Variants in CDH12 observed in about 807,000 individuals in gnomAD.
The protein encoded by CDH12 is cadherin 12, also known as cadherin-12.
In CDH12, 41 loss-of-function variants were observed where a neutral mutation model predicts 74.1. That is an observed-to-expected ratio of 0.55 (90% CI 0.43 to 0.72). The LOEUF is 0.72. Ranked by LOEUF, CDH12 falls within the 30% of genes least tolerant of loss-of-function variation. The probability of loss-of-function intolerance (pLI) is 0.00; values close to 1 mark genes in which losing one functional copy is unlikely to be tolerated. For missense variants in CDH12, 945 were observed against 977.2 expected, an observed-to-expected ratio of 0.97 and a Z score of 0.44; for synonymous variants, 399 against 355.0, an observed-to-expected ratio of 1.12 and a Z score of -1.39.
At chr5:22,106,059 G>C (rs1744423376) in intron 4 of CDH12, among the ~76,000 whole-genome samples, 1 of 152,130 alleles carries the variant, frequency 6.6e-6, no homozygotes, top group Admixed American at 6.6e-5. Flanking sequence ...TTCATGGTCT[G>C]ATTTGTTGTT....
rs1386514999 is a variant in CDH12 at position 22,760,698 on chromosome 5, AAAC to A, written c.-523+92357_-523+92359del. On this transcript the variant is annotated intron_variant, in intron 1 of 14. Coordinates refer to ENST00000382254, the MANE Select transcript of CDH12 (RefSeq NM_004061.5). The stretch of plus-strand genomic sequence containing the variant: ...CGTCTCAAAAAAAAAAAAAAAAAAA[AAAC>A]AAAAAAAAAAAGGTAAATTAAAAAA... Among the ~76,000 whole-genome samples, 588 of 146,204 alleles carry A rather than the reference AAAC, an allele frequency of 4.0e-3. 7 individuals are homozygous for A. Among genetic ancestry groups the A allele is most frequent in the African/African-American group, 0.015 (564 of 38,712 alleles).
At chr5:21,835,922 C>G (rs958889990) in intron 8 of CDH12, among the ~76,000 whole-genome samples, 3 of 151,770 alleles carry the variant, frequency 2.0e-5, no homozygotes, top group Non-Finnish European at 2.9e-5. Context: ...ACTTGGACAT[C>G]TTGTAGTCCT....
At chr5:21,889,989 G>T in intron 6 of CDH12, 1 of 244,720 alleles carries the variant, frequency 4.1e-6, no homozygotes, top group Non-Finnish European at 6.5e-6. Flanking sequence ...AACTATATTT[G>T]ACCAACAAAA....
At chr5:22,040,781 C>A (rs1002624369) in intron 5 of CDH12, among the ~76,000 whole-genome samples, 1 of 151,974 alleles carries the variant, frequency 6.6e-6, no homozygotes, top group Non-Finnish European at 1.5e-5. Context: ...CACCACTAGA[C>A]CAGAGCTACA....
At chr5:21,971,215 A>G (rs1176606037) in intron 6 of CDH12, among the ~76,000 whole-genome samples, 2 of 152,148 alleles carry the variant, frequency 1.3e-5, no homozygotes, top group African/African-American at 4.8e-5. Flanking sequence ...AGCTAAGTTT[A>G]ACTTTCTCAA....
Position 22,439,151 on chromosome 5 carries a change from G to C in CDH12, c.-427-33800C>G, listed in dbSNP as rs537086425. Among the ~76,000 whole-genome samples, 4 of 151,664 alleles carry C rather than the reference G, an allele frequency of 2.6e-5. No homozygotes were observed. In the East Asian group the frequency reaches 7.8e-4, roughly 29 times the overall value. On this transcript the variant is annotated intron_variant, in intron 2 of 14. Coordinates refer to ENST00000382254, the MANE Select transcript of CDH12 (RefSeq NM_004061.5). Reference sequence around the variant, plus strand: ...CATTATGACCTCCATTATTAATTTGGGATATGAAAATTGACTCTATTATCT... The same window carrying C: ...CATTATGACCTCCATTATTAATTTGCGATATGAAAATTGACTCTATTATCT...
chr5:21,978,219 G>T (rs1260004859), intron 5 of CDH12, among the ~76,000 whole-genome samples: 1 of 152,088 alleles, frequency 6.6e-6, no homozygotes, highest in African/African-American at 2.4e-5. Context: ...TCGGCTCACT[G>T]CAACCTCCAC....
chr5:21,975,544 T>A (rs910356442), intron 5 of CDH12, among the ~76,000 whole-genome samples, 159 bp from the exon 6 acceptor site: 3 of 152,010 alleles, frequency 2.0e-5, no homozygotes. Flanking sequence ...TTCTCGTTTT[T>A]TATTTCTCCA....
chr5:22,120,024 T>A (rs1663894593), intron 4 of CDH12, among the ~76,000 whole-genome samples: 2 of 152,192 alleles, frequency 1.3e-5, no homozygotes, highest in Admixed American at 1.3e-4. Flanking sequence ...CTTGCCTTGC[T>A]GCCTGTTACT....
chr5:22,228,931 T>C (rs1039524650), intron 3 of CDH12, among the ~76,000 whole-genome samples: 12 of 152,146 alleles, frequency 7.9e-5, no homozygotes, highest in Non-Finnish European at 1.6e-4. Context: ...CTAATAGTTA[T>C]ATTAATAAAC....
intron 3 of CDH12, among the ~76,000 whole-genome samples, chr5:22,401,837 G>C (rs981252399): frequency 6.6e-6 from 1 of 152,108 alleles, no homozygotes; most frequent in African/African-American, 2.4e-5. Flanking sequence ...GACATACAGA[G>C]ACACACTGAG....
intron 3 of CDH12, among the ~76,000 whole-genome samples, chr5:22,269,005 C>G (rs1041144987): frequency 1.3e-5 from 2 of 151,998 alleles, no homozygotes; most frequent in African/African-American, 4.8e-5. Context: ...TCTCGCCCTC[C>G]CATTAGATGC....
intron 2 of CDH12, among the ~76,000 whole-genome samples, chr5:22,490,109 G>T (rs1402705732): frequency 6.6e-6 from 1 of 151,584 alleles, no homozygotes; most frequent in African/African-American, 2.4e-5. Context: ...AATCTTAATA[G>T]CTAGAGCAAT....
At chr5:22,113,049 C>G (rs187186091) in intron 4 of CDH12, among the ~76,000 whole-genome samples, 1 of 152,228 alleles carries the variant, frequency 6.6e-6, no homozygotes, top group Non-Finnish European at 1.5e-5. Context: ...TGTCCAGGTT[C>G]CTATCAAAGG....
At chr5:21,926,395 T>C (rs1329198656) in intron 6 of CDH12, among the ~76,000 whole-genome samples, 1 of 152,222 alleles carries the variant, frequency 6.6e-6, no homozygotes, top group East Asian at 1.9e-4. Flanking sequence ...TAACTTGACT[T>C]GGCTAGAACC....
At chr5:22,327,199 C>T (rs951047687) in intron 3 of CDH12, among the ~76,000 whole-genome samples, 3 of 151,866 alleles carry the variant, frequency 2.0e-5, no homozygotes, top group African/African-American at 2.4e-5. Context: ...TCCCCACACT[C>T]GAGGACTCCT....
At chr5:22,746,625 C>T (rs1745310298) in intron 1 of CDH12, among the ~76,000 whole-genome samples, 1 of 152,088 alleles carries the variant, frequency 6.6e-6, no homozygotes, top group South Asian at 2.1e-4. Flanking sequence ...TTTAAAACCA[C>T]ATGTAAATGA....
intron 6 of CDH12, among the ~76,000 whole-genome samples, chr5:21,895,825 G>A (rs556944504): frequency 2.0e-5 from 3 of 152,302 alleles, no homozygotes; most frequent in Admixed American, 1.3e-4. Context: ...CTGTGCATGA[G>A]GGTACAGATA....
chr5:22,791,937 C>T (rs1747929140), intron 1 of CDH12, among the ~76,000 whole-genome samples: 1 of 152,148 alleles, frequency 6.6e-6, no homozygotes, highest in Non-Finnish European at 1.5e-5. Flanking sequence ...AGAGTCAAAC[C>T]ATATCAGTAA....
Sources: gnomAD v4.1 joint callset for allele counts (sites outside exome capture counted in the v4.1 genomes callset) on GRCh38, gnomAD v4.1.1 for gene constraint, MANE v1.5 for transcripts, NCBI Gene and HGNC (gene_info 2026-07-23, HGNC 2026-07-21) for gene names.